Variants in SDF4 observed in about 807,000 individuals in gnomAD.
The protein encoded by SDF4 is 45 kDa calcium-binding protein.
In SDF4, 22 loss-of-function variants were observed where a neutral mutation model predicts 34.2. The observed-to-expected ratio is 0.64, with a 90% confidence interval of 0.46 to 0.92. SDF4 has a LOEUF of 0.92. SDF4 is among the 40% of genes least tolerant of loss of function. The probability of loss-of-function intolerance (pLI) is 0.00; values close to 1 mark genes in which losing one functional copy is unlikely to be tolerated. For synonymous variants in SDF4, 236 were observed against 203.1 expected, an observed-to-expected ratio of 1.16 and a Z score of -1.38; for missense variants, 447 against 499.9, an observed-to-expected ratio of 0.89 and a Z score of 1.01.
At chr1:1,225,741 A>G (rs561636116) in intron 2 of SDF4, among the ~76,000 whole-genome samples, 1 of 118,876 alleles carries the variant, frequency 8.4e-6, no homozygotes, top group African/African-American at 3.5e-5. Flanking sequence ...CGGGCCACAC[A>G]CTCCACATGC....
Position 1,219,056 on chromosome 1 carries a change from G to A in SDF4, c.557-129C>T, listed in dbSNP as rs1232970897. On this transcript the variant is annotated intron_variant, in intron 4 of 6. Coordinates refer to ENST00000360001, the MANE Select transcript of SDF4 (RefSeq NM_016176.6). ...GCGAGACCGGGGCCCCACCCTCCAG[G>A]ATTCACACGTCCCCAGAACATGGCC... The A allele has an allele frequency of 8.8e-6, 14 of 1,582,908 alleles. No individual in the cohort carries two copies. The East Asian group carries it at 2.3e-4, about 26-fold the overall frequency.
chr1:1,221,041 G>A (rs1179717396), intron 4 of SDF4: 5 of 338,600 alleles, frequency 1.5e-5, no homozygotes, highest in Admixed American at 1.2e-4. Flanking sequence ...GATCCCTTTA[G>A]CCCAGGACTT....
rs1351724770 is a variant in SDF4, at chr1:1,218,990, T to C, written c.557-63A>G. On this transcript the variant is annotated intron_variant, in intron 4 of 6. Coordinates refer to ENST00000360001, the MANE Select transcript of SDF4 (RefSeq NM_016176.6). The surrounding 1 kb of genome is among the most constrained non-coding windows in gnomAD (Gnocchi z 7.9). The stretch of plus-strand genomic sequence containing the variant: ...GACGCCAGCACGCAAATCCAGAAAG[T>C]TCCGAGAGGTGCTGCCTGAACTCGA... 1 of 1,612,160 alleles carries C rather than the reference T, an allele frequency of 6.2e-7. No individual in the cohort carries two copies. Among genetic ancestry groups the C allele is most frequent in the Non-Finnish European group, 8.5e-7 (1 of 1,179,702 alleles).
rs763902665 is a variant in SDF4 at position 1,218,682 on chromosome 1, G to A, written c.716-49C>T. 3.7e-6 allele frequency: 6 copies of A among 1,612,132 alleles called. No individual in the cohort carries two copies. The highest frequency in any genetic ancestry group is 5.1e-6 in the Non-Finnish European group (6 of 1,179,204). On this transcript the variant is annotated intron_variant, in intron 5 of 6. Transcript: ENST00000360001. This position sits in a 1 kb window ranked among gnomAD's most constrained non-coding sequence, Gnocchi z 7.9. ...CCACACCCAGGCTGGGGCTCCCGCAGGACCTGCCCCGACCTCCCGACGATG... is the reference window on the plus strand; with the variant it reads ...CCACACCCAGGCTGGGGCTCCCGCAAGACCTGCCCCGACCTCCCGACGATG...
chr1:1,226,734 G>A (rs116785759), intron 2 of SDF4, among the ~76,000 whole-genome samples: 2,836 of 152,302 alleles, frequency 0.019, 102 homozygotes, highest in African/African-American at 0.065. Flanking sequence ...CTCCTCAAAC[G>A]AGACAGCTTG....
rs568796805 is a variant in SDF4, at chr1:1,223,094, ACT to A, written c.556+148_556+149del. ...GTACTCACGAGCACGCGCACAGCAC[ACT>A]CGTACACACGGCACGCACACACGTA... On this transcript the variant is annotated intron_variant, in intron 4 of 6. Transcript: ENST00000360001. 1,139 of 640,990 alleles carry A rather than the reference ACT, an allele frequency of 1.8e-3. 3 individuals carry two copies. Among genetic ancestry groups the A allele is most frequent in the Middle Eastern group, 7.5e-3 (18 of 2,408 alleles). 39.7% of individuals were successfully genotyped at this position (640,990 alleles called of 1,614,324 possible). A position where few individuals can be genotyped will look rare whatever the true frequency, so the allele number is the denominator to read the frequency against.
chr1:1,220,582 G>T, intron 4 of SDF4: 17 of 1,285,138 alleles, frequency 1.3e-5, no homozygotes, highest in Non-Finnish European at 1.7e-5. Context: ...AAGACGGATC[G>T]GACACGGGTG....
rs149784479 is a variant in SDF4 at position 1,229,176 on chromosome 1, G to A, written c.-174-230C>T. On this transcript the variant is annotated intron_variant, in intron 1 of 6. Coordinates refer to ENST00000360001, the MANE Select transcript of SDF4 (RefSeq NM_016176.6). Reference sequence around the variant, plus strand: ...ACCACACGTGGCATTTGTTTTCTCCGGACCACACGTGGTGTTTTTTTCTTT... The same window carrying A: ...ACCACACGTGGCATTTGTTTTCTCCAGACCACACGTGGTGTTTTTTTCTTT... 1.3e-3 allele frequency among the ~76,000 whole-genome samples: 199 copies of A among 151,884 alleles called. 2 individuals carry two copies. The highest frequency in any genetic ancestry group is 4.4e-3 in the African/African-American group (181 of 41,328).
intron 4 of SDF4, chr1:1,219,256 C>T (rs535209405): frequency 2.1e-4 from 244 of 1,189,446 alleles, no homozygotes; most frequent in Non-Finnish European, 2.5e-4. Context: ...TCCCCACAGA[C>T]ACAGCCCAGA....
At position 1,225,423 on chromosome 1, in the gene SDF4, C is replaced by T. The variant is rs186819066; in HGVS notation, c.306-1455G>A. Among the ~76,000 whole-genome samples the T allele has an allele frequency of 3.3e-3, 502 of 152,308 alleles. 2 individuals are homozygous for T. Among genetic ancestry groups the T allele is most frequent in the African/African-American group, 0.011 (471 of 41,570 alleles). The stretch of plus-strand genomic sequence containing the variant: ...TCTGGGACCTGGGCCAGGCAAGCTT[C>T]GAGGGTGCACACACCGCAGGCACGG... On this transcript the variant is annotated intron_variant, in intron 2 of 6. Coordinates refer to ENST00000360001, the MANE Select transcript of SDF4 (RefSeq NM_016176.6).
Position 1,217,539 on chromosome 1 carries a change from G to A in SDF4, c.1041C>T (p.Tyr347=), listed in dbSNP as rs137970001. 27 of 1,612,174 alleles carry A rather than the reference G, an allele frequency of 1.7e-5. No individual in the cohort carries two copies. The highest frequency in any genetic ancestry group is 8.0e-5 in the African/African-American group (6 of 74,888). ...AAAACTCCTCGTGCACGCTGCGCGC[G>A]TAGTCCACCAGCTTGCTGCCCGTGA... The part of the protein sequence containing the change: ...EFFTGSKLVD[Y]ARSVHEEF The change falls in exon 7 of 7, where the codon TAC becomes TAT. Residue 347 remains tyrosine, a synonymous_variant. Transcript: ENST00000360001. The surrounding 1 kb of genome is among the most constrained non-coding windows in gnomAD (Gnocchi z 8.5).
chr1:1,228,870 C>G lies in SDF4; in HGVS notation c.-98G>C, dbSNP rs1638399733. 2 of 1,141,904 alleles carry G rather than the reference C, an allele frequency of 1.8e-6. No homozygotes were observed. The highest frequency in any genetic ancestry group is 2.4e-6 in the Non-Finnish European group (2 of 817,086). 70.7% of individuals were successfully genotyped at this position (1,141,904 alleles called of 1,614,324 possible). On this transcript the variant is annotated 5_prime_UTR_variant, in exon 2 of 7. Transcript: ENST00000360001. ...CAGAGGAGGAAGTGAGGTCCTGGCTCCAATCCAATCCCCGGGCACCACGGA... is the reference window on the plus strand; with the variant it reads ...CAGAGGAGGAAGTGAGGTCCTGGCTGCAATCCAATCCCCGGGCACCACGGA...
Position 1,225,971 on chromosome 1 carries a change from G to A in SDF4, c.306-2003C>T, listed in dbSNP as rs115007164. Among the ~76,000 whole-genome samples, 549 of 152,358 alleles carry A rather than the reference G, an allele frequency of 3.6e-3. 6 individuals carry two copies. The highest frequency in any genetic ancestry group is 0.011 in the African/African-American group (477 of 41,586). Reference sequence around the variant, plus strand: ...TGGCACGCACACACGCAAGTGCACAGGCCGGTACCCACGTGTACACAGCAC... The same window carrying A: ...TGGCACGCACACACGCAAGTGCACAAGCCGGTACCCACGTGTACACAGCAC... On this transcript the variant is annotated intron_variant, in intron 2 of 6. Transcript: ENST00000360001.
Position 1,218,548 on chromosome 1 carries a change from A to G in SDF4, c.801T>C (p.Ile267=). 1 of 1,614,058 alleles carries G rather than the reference A, an allele frequency of 6.2e-7. No homozygotes were observed. The highest frequency in any genetic ancestry group is 8.5e-7 in the Non-Finnish European group (1 of 1,179,946). Residue 267 remains isoleucine (I), a synonymous_variant, in exon 6 of 7, where the codon ATT becomes ATC. Coordinates refer to ENST00000360001, the MANE Select transcript of SDF4 (RefSeq NM_016176.6). The surrounding 1 kb of genome is among the most constrained non-coding windows in gnomAD (Gnocchi z 7.9). The part of the protein sequence containing the change: ...GTVENQQGQD[I]DDNWVKDRKK... ...TTCTGTCTTTCACCCAGTTGTCGTC[A>G]ATGTCCTGGCCCTGCTGGTTCTCCA... is the stretch of plus-strand genomic sequence containing the variant.
chr1:1,223,489 G>A (rs371640137), intron 3 of SDF4, 132 bp from the exon 4 acceptor site: 8 of 715,742 alleles, frequency 1.1e-5, no homozygotes, highest in South Asian at 1.8e-5. Context: ...CCAGGGCCCC[G>A]GCCAGCACCC....
chr1:1,226,674 A>T (rs912970281), intron 2 of SDF4, among the ~76,000 whole-genome samples: 9 of 152,188 alleles, frequency 5.9e-5, no homozygotes, highest in African/African-American at 2.2e-4. Flanking sequence ...TCGGCGCAGG[A>T]GTCAGGGAGA....
At chr1:1,220,044 A>G in intron 4 of SDF4, 3 of 985,900 alleles carry the variant, frequency 3.0e-6, no homozygotes, top group Non-Finnish European at 2.4e-6. Flanking sequence ...GGACGGGGCC[A>G]AACTGAGACC....
At position 1,217,671 on chromosome 1, in the gene SDF4, C is replaced by T; in HGVS notation, c.909G>A (p.Met303Ile). The stretch of plus-strand genomic sequence containing the variant: ...CCTCGTTCAGCGCGTTGTACTCGTT[C>T]ATGGGGTCCATGTAGCTCTGCGGGC... ...AEELESYMDP[M>I]NEYNALNEAK... The change falls in exon 7 of 7, where the codon ATG (methionine) becomes ATA (isoleucine). Residue 303 changes from methionine to isoleucine, a missense_variant. Physicochemically the swap from Met to Ile is conservative, Grantham distance 10. Coordinates refer to ENST00000360001, the MANE Select transcript of SDF4 (RefSeq NM_016176.6). The surrounding 1 kb of genome is among the most constrained non-coding windows in gnomAD (Gnocchi z 8.5). 1 of 1,613,872 alleles carries T rather than the reference C, an allele frequency of 6.2e-7. No individual in the cohort carries two copies. Among genetic ancestry groups the T allele is most frequent in the East Asian group, 2.2e-5 (1 of 44,850 alleles).
At chr1:1,226,352 G>A (rs550794034) in intron 2 of SDF4, among the ~76,000 whole-genome samples, 1 of 119,514 alleles carries the variant, frequency 8.4e-6, no homozygotes, top group Non-Finnish European at 1.8e-5. Flanking sequence ...CGGTCAGGAG[G>A]AAACATGGCA....
Sources: allele counts gnomAD v4.1 joint callset (sites outside exome capture counted in the v4.1 genomes callset), GRCh38; gene constraint gnomAD v4.1.1; non-coding constraint Gnocchi (gnomAD v3.1); transcripts MANE v1.5; gene names NCBI Gene and HGNC (gene_info 2026-07-23, HGNC 2026-07-21).